Variants in ABCA10 observed in about 807,000 individuals in gnomAD.
The protein encoded by ABCA10 is ATP-binding cassette sub-family A member 10.
ABCA10 carries 169 observed loss-of-function variants against 187.5 expected under a neutral mutation model. The observed-to-expected ratio is 0.90, with a 90% CI of 0.80 to 1.02. The LOEUF is 1.02. Ranked by LOEUF, ABCA10 falls within the 50% of genes least tolerant of loss-of-function variation. The pLI, the probability that ABCA10 is intolerant of heterozygous loss-of-function variation, is 0.00. For missense variants in ABCA10, 1,727 were observed against 1,812.4 expected, an observed-to-expected ratio of 0.95 and a Z score of 0.86; for synonymous variants, 574 against 601.8, an observed-to-expected ratio of 0.95 and a Z score of 0.68.
At chr17:69,198,410 G>A (rs940628573) in intron 10 of ABCA10, among the ~76,000 whole-genome samples, 1 of 152,108 alleles carries the variant, frequency 6.6e-6, no homozygotes, top group Admixed American at 6.5e-5. Context: ...AAGATTTGGA[G>A]AGCAGAAATG....
At chr17:69,209,977 T>C (rs1324982279) in intron 9 of ABCA10, among the ~76,000 whole-genome samples, 1 of 152,050 alleles carries the variant, frequency 6.6e-6, no homozygotes, top group Non-Finnish European at 1.5e-5. Flanking sequence ...AAAACATTGT[T>C]ATGCAGCACA....
chr17:69,156,984 A>G, intron 27 of ABCA10, 61 bp from the exon 28 acceptor site: 1 of 980,350 alleles, frequency 1.0e-6, no homozygotes, highest in Non-Finnish European at 1.4e-6. Flanking sequence ...TCAATGGTGA[A>G]TATTTGTCCA....
chr17:69,203,649 A>G (rs2144819812), intron 9 of ABCA10, among the ~76,000 whole-genome samples: 1 of 152,340 alleles, frequency 6.6e-6, no homozygotes, highest in South Asian at 2.1e-4. Flanking sequence ...TGCAGCTGCC[A>G]GAGAGAGCTT....
At chr17:69,151,924 G>A (rs982737757) in intron 36 of ABCA10, 119 bp downstream of exon 36, 36 of 1,428,830 alleles carry the variant, frequency 2.5e-5, no homozygotes, top group Non-Finnish European at 3.1e-5. Flanking sequence ...CAAACAGGTT[G>A]TTTTGTGATG....
chr17:69,197,179 G>T, intron 10 of ABCA10, 57 bp from the exon 11 acceptor site: 1 of 1,344,200 alleles, frequency 7.4e-7, no homozygotes. Context: ...TAATAACACA[G>T]ATTACAGTTC....
intron 9 of ABCA10, among the ~76,000 whole-genome samples, chr17:69,207,121 C>T (rs375552689): frequency 6.6e-6 from 1 of 151,898 alleles, no homozygotes; most frequent in East Asian, 1.9e-4. Flanking sequence ...TAAAAATGGC[C>T]AAGAAGAATA....
intron 9 of ABCA10, among the ~76,000 whole-genome samples, chr17:69,208,030 A>C (rs2074604429): frequency 6.6e-6 from 1 of 152,242 alleles, no homozygotes; most frequent in Non-Finnish European, 1.5e-5. Context: ...GTACATGGTA[A>C]ATATATCAAG....
At chr17:69,209,366 T>C (rs988109263) in intron 9 of ABCA10, among the ~76,000 whole-genome samples, 2 of 152,198 alleles carry the variant, frequency 1.3e-5, no homozygotes, top group Non-Finnish European at 2.9e-5. Flanking sequence ...TTCAAAGTAA[T>C]TTTGAAGCCA....
In ABCA10 at chr17:69,210,847, C is replaced by CATAT. The variant is rs57227408; in HGVS notation, c.1006+3853_1006+3856dup. Among the ~76,000 whole-genome samples the CATAT allele has an allele frequency of 5.5e-4, 21 of 37,894 alleles. 1 individual carries two copies. Among genetic ancestry groups the CATAT allele is most frequent in the East Asian group, 1.2e-3 (3 of 2,412 alleles). The allele number at this position is 37,894 out of a possible 152,430, so 24.9% of individuals were successfully genotyped here. On this transcript the variant is annotated intron_variant, in intron 9 of 38. Transcript: ENST00000690296. ...ATATATATGCCACATATTTATGCCA[C>CATAT]ATATATATATATATATATGCCATAT...
chr17:69,194,982 C>G (rs556634306), intron 11 of ABCA10, among the ~76,000 whole-genome samples: 3 of 152,242 alleles, frequency 2.0e-5, no homozygotes, highest in African/African-American at 7.2e-5. Flanking sequence ...TCTCCTGGTA[C>G]TGGTCATCAT....
chr17:69,211,323 A>ATG (rs1568070245), intron 9 of ABCA10, among the ~76,000 whole-genome samples: 16 of 10,726 alleles, frequency 1.5e-3, no homozygotes, highest in African/African-American at 4.6e-3. Context: ...TGATATATAT[A>ATG]TATATATATA....
chr17:69,188,325 A>G (rs936844845), intron 18 of ABCA10, among the ~76,000 whole-genome samples: 7 of 152,052 alleles, frequency 4.6e-5, no homozygotes, highest in Non-Finnish European at 8.8e-5. Flanking sequence ...TGGAAAGTTC[A>G]TGGAAAGGCC....
chr17:69,207,938 G>C (rs189380575), intron 9 of ABCA10, among the ~76,000 whole-genome samples: 1 of 152,142 alleles, frequency 6.6e-6, no homozygotes, highest in African/African-American at 2.4e-5. Context: ...TCACTACAAA[G>C]AATAAGTATA....
At chr17:69,195,764 TA>T (rs1215610605) in intron 11 of ABCA10, among the ~76,000 whole-genome samples, 1 of 151,828 alleles carries the variant, frequency 6.6e-6, no homozygotes, top group African/African-American at 2.4e-5. Context: ...TGATGACTCT[TA>T]AGGAGCATGC....
chr17:69,153,692 G>C, intron 32 of ABCA10, 139 bp downstream of exon 32: 3 of 1,435,044 alleles, frequency 2.1e-6, no homozygotes, highest in Non-Finnish European at 2.8e-6. Context: ...TTATGATTTG[G>C]TTCTTATTCA....
chr17:69,208,342 C>T (rs1052245161), intron 9 of ABCA10, among the ~76,000 whole-genome samples: 30 of 146,002 alleles, frequency 2.1e-4, no homozygotes, highest in African/African-American at 7.7e-4. Context: ...GGCGTGAACC[C>T]GGGATGTGGA....
chr17:69,242,073 A>G (rs942047198), intron 1 of ABCA10, among the ~76,000 whole-genome samples: 1 of 152,210 alleles, frequency 6.6e-6, no homozygotes, highest in Admixed American at 6.5e-5. Context: ...AGAAGCTGAG[A>G]TTTCTTACCA....
chr17:69,168,719 G>C (rs2074273152), intron 25 of ABCA10, among the ~76,000 whole-genome samples: 2 of 152,216 alleles, frequency 1.3e-5, no homozygotes, highest in Admixed American at 1.3e-4. Flanking sequence ...CCCAGTGGGA[G>C]ATGACTGAGT....
intron 25 of ABCA10, among the ~76,000 whole-genome samples, chr17:69,172,800 C>T (rs1024329556): frequency 1.5e-5 from 1 of 64,674 alleles, no homozygotes; most frequent in African/African-American, 8.0e-5. Flanking sequence ...AAATTAAAAG[C>T]AGGTTAAGTC....
Sources: gnomAD v4.1 joint callset for allele counts (sites outside exome capture counted in the v4.1 genomes callset) on GRCh38, gnomAD v4.1.1 for gene constraint, MANE v1.5 for transcripts, NCBI Gene and HGNC (gene_info 2026-07-23, HGNC 2026-07-21) for gene names.